RFPL1: variants seen among roughly 807,000 people sequenced by gnomAD.
RFPL1 encodes the protein ret finger protein-like 1.
Under a neutral mutation model 9.6 loss-of-function variants are expected in RFPL1, and 6 were observed. The observed-to-expected ratio is 0.62, with a 90% CI of 0.34 to 1.23. The LOEUF (loss-of-function observed/expected upper bound fraction) is 1.23. RFPL1 is among the 50% of genes most tolerant of loss of function. The pLI is 0.03. For synonymous variants in RFPL1, 145 were observed against 149.4 expected (o/e 0.97, Z 0.22); for missense variants, 352 against 398.4 (o/e 0.88, Z 0.99).
chr22:29,402,483 AG>A, the RFPL1 span, among the ~76,000 whole-genome samples: 1 of 152,226 alleles, frequency 6.6e-6, no homozygotes, highest in Non-Finnish European at 1.5e-5. Flanking sequence ...GGATGAGTTC[AG>A]TCCCTATTTT....
the RFPL1 span, among the ~76,000 whole-genome samples, chr22:29,391,787 A>T: frequency 6.6e-6 from 1 of 152,220 alleles, no homozygotes. Flanking sequence ...CCCCACGCCC[A>T]GTGCAAGGGA....
chr22:29,406,115 C>CAA, the RFPL1 span, among the ~76,000 whole-genome samples: 34 of 9,710 alleles, frequency 3.5e-3, 1 homozygote, highest in Non-Finnish European at 5.6e-3. Flanking sequence ...GACTCCTTCT[C>CAA]AAAAAAAAAA....
At chr22:29,431,348 A>G in the RFPL1 span, among the ~76,000 whole-genome samples, 1 of 152,252 alleles carries the variant, frequency 6.6e-6, no homozygotes, top group Non-Finnish European at 1.5e-5. Context: ...CTAAAAGCAG[A>G]CAGCAGAACT....
the RFPL1 span, among the ~76,000 whole-genome samples, chr22:29,390,931 A>G: frequency 1.1e-4 from 17 of 151,440 alleles, no homozygotes; most frequent in African/African-American, 3.9e-4. Flanking sequence ...TTTTAAAAGT[A>G]GTCAGGGAGG....
At chr22:29,415,189 C>A in the RFPL1 span, among the ~76,000 whole-genome samples, 1 of 151,670 alleles carries the variant, frequency 6.6e-6, no homozygotes, top group East Asian at 1.9e-4. Flanking sequence ...AAGTCAAAAT[C>A]AAAACCAAAA....
chr22:29,411,125 T>C, the RFPL1 span, among the ~76,000 whole-genome samples: 1 of 152,188 alleles, frequency 6.6e-6, no homozygotes. Context: ...GGAAAGGAGC[T>C]GAGCTGGTGG....
chr22:29,442,089 T>C (rs1213212677), exon 2 of RFPL1: 7 of 1,592,130 alleles, frequency 4.4e-6, no homozygotes, highest in Non-Finnish European at 6.0e-6. Context: ...CGGGCACTAC[T>C]GATGCTCCAG....
the RFPL1 span, among the ~76,000 whole-genome samples, chr22:29,399,994 C>CTTTTTTTTTT: frequency 2.6e-5 from 3 of 116,274 alleles, no homozygotes; most frequent in Non-Finnish European, 3.5e-5. Flanking sequence ...CTTTTCTTTT[C>CTTTTTTTTTT]TTTTTTTTTT....
At chr22:29,431,277 G>A in the RFPL1 span, among the ~76,000 whole-genome samples, 1 of 152,196 alleles carries the variant, frequency 6.6e-6, no homozygotes, top group African/African-American at 2.4e-5. Context: ...CGGCAACATT[G>A]TTTGAGGGCA....
chr22:29,394,225 G>A, the RFPL1 span, among the ~76,000 whole-genome samples: 1 of 152,166 alleles, frequency 6.6e-6, no homozygotes, highest in Non-Finnish European at 1.5e-5. Flanking sequence ...TTTCGCTTTT[G>A]TTGCTGCAAG....
chr22:29,424,222 C>T, the RFPL1 span, among the ~76,000 whole-genome samples: 8 of 151,966 alleles, frequency 5.3e-5, no homozygotes, highest in South Asian at 4.2e-4. Context: ...AGTGAAGCTC[C>T]GCCATTCATT....
exon 1 of RFPL1, chr22:29,438,760 A>G (rs2062821627): frequency 6.2e-7 from 1 of 1,600,550 alleles, no homozygotes; most frequent in East Asian, 2.2e-5. Flanking sequence ...TTGTTCTAGA[A>G]GTGACAAAGC....
At chr22:29,390,623 C>T in the RFPL1 span, among the ~76,000 whole-genome samples, 2 of 126,682 alleles carry the variant, frequency 1.6e-5, no homozygotes, top group African/African-American at 4.0e-5. Context: ...TTAGACGGAG[C>T]CTCGCTCCAT....
the RFPL1 span, among the ~76,000 whole-genome samples, chr22:29,425,408 G>A: frequency 6.6e-6 from 1 of 152,090 alleles, no homozygotes; most frequent in African/African-American, 2.4e-5. Flanking sequence ...GAGGCCGTGG[G>A]CTGCATCTTG....
chr22:29,436,545 A>G (rs1602915504), upstream of RFPL1: 1 of 151,334 alleles, frequency 6.6e-6, no homozygotes, highest in African/African-American at 2.4e-5. Context: ...TGTTGCAGTG[A>G]TCCAAGTTTG....
upstream of RFPL1, chr22:29,436,599 C>CAAAAA (rs200602345): frequency 2.2e-5 from 2 of 92,518 alleles, no homozygotes; most frequent in African/African-American, 4.2e-5. Flanking sequence ...GAATCTGTCT[C>CAAAAA]AAAAAAAAAA....
chr22:29,423,929 G>A, the RFPL1 span, among the ~76,000 whole-genome samples: 7 of 152,180 alleles, frequency 4.6e-5, no homozygotes, highest in Non-Finnish European at 1.0e-4. Flanking sequence ...TAAGGGCCAG[G>A]TGCTATAGCT....
the RFPL1 span, among the ~76,000 whole-genome samples, chr22:29,415,742 G>T: frequency 6.6e-6 from 1 of 152,244 alleles, no homozygotes; most frequent in South Asian, 2.1e-4. Context: ...CCTTTTAAGG[G>T]CTTACAACTC....
the RFPL1 span, among the ~76,000 whole-genome samples, chr22:29,429,798 C>T: frequency 6.6e-6 from 1 of 152,116 alleles, no homozygotes. Flanking sequence ...ATAAAATCAA[C>T]ACATAAAAAT....
Sources: gnomAD v4.1 joint callset for allele counts (sites outside exome capture counted in the v4.1 genomes callset) on GRCh38, gnomAD v4.1.1 for gene constraint, MANE v1.5 for transcripts, NCBI Gene and HGNC (gene_info 2026-07-23, HGNC 2026-07-21) for gene names.